Variants in TINAG observed in about 807,000 individuals in gnomAD.
TINAG encodes the protein tubulointerstitial nephritis antigen.
Under a neutral mutation model 72.7 loss-of-function variants are expected in TINAG, and 83 were observed. The ratio of observed to expected loss-of-function variants is 1.14; its 90% CI spans 0.96 to 1.37. The LOEUF (loss-of-function observed/expected upper bound fraction) is 1.37. Ranked by LOEUF, TINAG falls within the 40% of genes most tolerant of loss-of-function variation. TINAG has a pLI of 0.00. For synonymous variants in TINAG, 234 were observed against 189.9 expected (o/e 1.23, Z -1.91); for missense variants, 685 against 576.6 (o/e 1.19, Z -1.93).
At position 54,349,769 on chromosome 6, in the gene TINAG, A is replaced by G. The variant is rs1582729465; in HGVS notation, c.953A>G (p.Asn318Ser). ...TTCAAAGACCAAAATGCTACCAACA[A>G]TGGATGTGCCATGGCAAGCAGGTCT... ...PLFKDQNATN[N>S]GCAMASRSDG... The change falls in exon 7 of 11, where the codon AAT becomes AGT. Residue 318 changes from asparagine (N) to serine (S), a missense_variant. Coordinates refer to ENST00000259782, the MANE Select transcript of TINAG (RefSeq NM_014464.4). The G allele has an allele frequency of 1.2e-6, 2 of 1,605,504 alleles. No individual in the cohort carries two copies. Among genetic ancestry groups the G allele is most frequent in the Non-Finnish European group, 1.7e-6 (2 of 1,174,748 alleles).
intron 1 of TINAG, among the ~76,000 whole-genome samples, chr6:54,309,211 TTC>T (rs931876465): frequency 3.9e-5 from 6 of 151,966 alleles, no homozygotes; most frequent in East Asian, 3.9e-4. Context: ...CTTTCTTCTG[TTC>T]TCTCTCTCTC....
intron 5 of TINAG, among the ~76,000 whole-genome samples, chr6:54,344,750 T>C (rs2150955832): frequency 6.6e-6 from 1 of 152,290 alleles, no homozygotes; most frequent in Admixed American, 6.5e-5. Context: ...GTCAGGATTG[T>C]TCCCCTACCT....
chr6:54,329,799 GA>G (rs961557641), intron 4 of TINAG, among the ~76,000 whole-genome samples: 2 of 150,816 alleles, frequency 1.3e-5, no homozygotes, highest in African/African-American at 4.9e-5. Context: ...TAAATGGAAA[GA>G]AAAAAAAGCA....
intron 4 of TINAG, among the ~76,000 whole-genome samples, chr6:54,341,699 A>G (rs1784999010): frequency 6.6e-6 from 1 of 152,124 alleles, no homozygotes; most frequent in Admixed American, 6.6e-5. Context: ...CAAGATACCA[A>G]CCAGATCAGT....
In TINAG at chr6:54,319,118, C is replaced by T. The variant is rs944675587; in HGVS notation, c.356-1461C>T. Among the ~76,000 whole-genome samples, 4 of 152,004 alleles carry T rather than the reference C, an allele frequency of 2.6e-5. No homozygotes were observed. The East Asian group carries it at 7.8e-4, about 30-fold the overall frequency. On this transcript the variant is annotated intron_variant, in intron 1 of 10. Transcript: ENST00000259782. ...CCTTGAGATGTCTGTTCCATTTATC[C>T]ATGGAATTCATATGTTGAACACTCA... is the stretch of plus-strand genomic sequence containing the variant.
intron 10 of TINAG, among the ~76,000 whole-genome samples, chr6:54,382,463 A>G (rs1763980410): frequency 6.6e-6 from 1 of 152,140 alleles, no homozygotes; most frequent in African/African-American, 2.4e-5. Context: ...AAGTAATTAA[A>G]ATAATTTTAT....
chr6:54,387,856 A>T (rs1764139145), intron 10 of TINAG, among the ~76,000 whole-genome samples: 1 of 152,166 alleles, frequency 6.6e-6, no homozygotes, highest in South Asian at 2.1e-4. Context: ...AAGAAATGAG[A>T]GTAGGAAGAA....
intron 4 of TINAG, among the ~76,000 whole-genome samples, chr6:54,338,191 G>A (rs1784911900): frequency 6.6e-6 from 1 of 152,148 alleles, no homozygotes; most frequent in Non-Finnish European, 1.5e-5. Flanking sequence ...ACAGTCTGAT[G>A]TATAACACTG....
chr6:54,383,778 A>G (rs572260513), intron 10 of TINAG, among the ~76,000 whole-genome samples: 3 of 152,298 alleles, frequency 2.0e-5, no homozygotes, highest in Non-Finnish European at 2.9e-5. Flanking sequence ...TAGTTCAACC[A>G]TTGTGGAAGA....
intron 10 of TINAG, among the ~76,000 whole-genome samples, chr6:54,384,393 GA>G (rs1433374879): frequency 6.6e-6 from 1 of 151,954 alleles, no homozygotes; most frequent in African/African-American, 2.4e-5. Flanking sequence ...AACATTGCAA[GA>G]AAATCACACT....
chr6:54,386,063 C>T (rs9464067), intron 10 of TINAG, among the ~76,000 whole-genome samples: 20,435 of 151,318 alleles, frequency 0.14, 2,602 homozygotes, highest in East Asian at 0.34. Flanking sequence ...GGCTAATATT[C>T]GTATTTTTGG....
At chr6:54,319,194 C>T (rs1015046217) in intron 1 of TINAG, among the ~76,000 whole-genome samples, 1 of 152,118 alleles carries the variant, frequency 6.6e-6, no homozygotes, top group African/African-American at 2.4e-5. Context: ...CCCACACTCT[C>T]AGTTTTTAAG....
intron 1 of TINAG, among the ~76,000 whole-genome samples, chr6:54,316,789 T>C (rs1784383243): frequency 6.6e-6 from 1 of 152,206 alleles, no homozygotes; most frequent in African/African-American, 2.4e-5. Context: ...AAGTGAAGTT[T>C]AGACCAGCAC....
At chr6:54,307,925 C>A (rs537498403), upstream of TINAG, 13 of 966,958 alleles carry the variant, frequency 1.3e-5, no homozygotes, top group East Asian at 3.2e-4. Context: ...GAATTTCTTG[C>A]TGAATTAGGT....
At chr6:54,315,218 G>C (rs1036900453) in intron 1 of TINAG, among the ~76,000 whole-genome samples, 2 of 152,022 alleles carry the variant, frequency 1.3e-5, no homozygotes, top group Admixed American at 1.3e-4. Flanking sequence ...CCTGTTCTAA[G>C]AGCTCTTTAA....
intron 6 of TINAG, among the ~76,000 whole-genome samples, chr6:54,347,743 A>G (rs933177871): frequency 6.6e-6 from 1 of 152,058 alleles, no homozygotes; most frequent in East Asian, 1.9e-4. Flanking sequence ...TTCTAGCTAA[A>G]TTAATATGAA....
rs538371565 is a variant in TINAG at position 54,348,236 on chromosome 6, G to A, written c.899+719G>A. Among the ~76,000 whole-genome samples the A allele has an allele frequency of 2.0e-5, 3 of 152,128 alleles. No homozygotes were observed. In the South Asian group the frequency reaches 6.2e-4, roughly 32 times the overall value. ...AAAATAGTGTATGTCAGATTTTGATGGGTTGCAATAAATTGCTTTAAATTT... is the reference window on the plus strand; with the variant it reads ...AAAATAGTGTATGTCAGATTTTGATAGGTTGCAATAAATTGCTTTAAATTT... On this transcript the variant is annotated intron_variant, in intron 6 of 10. Transcript: ENST00000259782.
intron 4 of TINAG, among the ~76,000 whole-genome samples, chr6:54,338,549 G>T (rs1003786394): frequency 7.9e-5 from 12 of 151,784 alleles, no homozygotes; most frequent in Non-Finnish European, 1.6e-4. Flanking sequence ...GTGAAACCCC[G>T]TTTGTACTAA....
intron 5 of TINAG, among the ~76,000 whole-genome samples, chr6:54,344,764 T>G (rs1448786542): frequency 6.6e-6 from 1 of 152,122 alleles, no homozygotes; most frequent in Non-Finnish European, 1.5e-5. Flanking sequence ...CCTACCTAAT[T>G]CACGGAACAC....
Sources: gnomAD v4.1 joint callset for allele counts (sites outside exome capture counted in the v4.1 genomes callset) on GRCh38, gnomAD v4.1.1 for gene constraint, MANE v1.5 for transcripts, NCBI Gene and HGNC (gene_info 2026-07-23, HGNC 2026-07-21) for gene names.